RSU1: variants seen among roughly 807,000 people sequenced by gnomAD.
RSU1 encodes the protein Ras suppressor protein 1.
In RSU1, 26 loss-of-function variants were observed where a neutral mutation model predicts 31.1. The observed-to-expected ratio is 0.84, with a 90% CI of 0.61 to 1.16. RSU1 has a LOEUF of 1.16. RSU1 is among the 50% of genes most tolerant of loss of function. The pLI is 0.00. For synonymous variants in RSU1, 164 were observed against 136.3 expected (o/e 1.20, Z -1.41); for missense variants, 320 against 339.1 (o/e 0.94, Z 0.44).
chr10:16,766,269 C>T (rs1837313017), intron 3 of RSU1, among the ~76,000 whole-genome samples: 1 of 152,220 alleles, frequency 6.6e-6, no homozygotes, highest in Non-Finnish European at 1.5e-5. Flanking sequence ...GCTCAAAGTT[C>T]CTCCAGAACC....
At chr10:16,705,089 T>C (rs1262508501) in intron 7 of RSU1, among the ~76,000 whole-genome samples, 1 of 152,228 alleles carries the variant, frequency 6.6e-6, no homozygotes, top group Non-Finnish European at 1.5e-5. Context: ...ATTTTGACTG[T>C]TCTAAGTATC....
intron 8 of RSU1, among the ~76,000 whole-genome samples, chr10:16,663,878 G>A (rs930768188): frequency 6.6e-6 from 1 of 152,164 alleles, no homozygotes; most frequent in Non-Finnish European, 1.5e-5. Context: ...TTGGTGACAG[G>A]TGGGTCCCAG....
At chr10:16,613,282 A>G (rs1031223187) in intron 8 of RSU1, among the ~76,000 whole-genome samples, 1 of 152,186 alleles carries the variant, frequency 6.6e-6, no homozygotes, top group Non-Finnish European at 1.5e-5. Context: ...GAATTTCCAT[A>G]TGTCTCTGTG....
In RSU1 at chr10:16,756,648, T is replaced by C. The variant is rs140686110; in HGVS notation, c.282-1659A>G. On this transcript the variant is annotated intron_variant, in intron 4 of 8. Transcript: ENST00000345264. ...TACATGTAACATACAAAATATGTGT[T>C]CATCAACTATTTCTAGTTTTGGTAA... 2.7e-3 allele frequency among the ~76,000 whole-genome samples: 410 copies of C among 152,388 alleles called. 3 individuals are homozygous for C. Among genetic ancestry groups the C allele is most frequent in the African/African-American group, 9.0e-3 (374 of 41,590 alleles).
In RSU1 at chr10:16,719,937, A is replaced by G. The variant is rs139788432; in HGVS notation, c.599-24782T>C. Among the ~76,000 whole-genome samples, 903 of 152,362 alleles carry G rather than the reference A, an allele frequency of 5.9e-3. 18 individuals carry two copies. The highest frequency in any genetic ancestry group is 0.036 in the East Asian group (185 of 5,184). ...AGACTAGCCCACATGCTTTATGTAT[A>G]TAATCTCAGCCCTCAAAGGAACCTG... On this transcript the variant is annotated intron_variant, in intron 7 of 8. Coordinates refer to ENST00000345264, the MANE Select transcript of RSU1 (RefSeq NM_012425.4).
intron 7 of RSU1, among the ~76,000 whole-genome samples, chr10:16,731,465 A>G (rs1186424251): frequency 6.6e-6 from 1 of 151,868 alleles, no homozygotes; most frequent in Non-Finnish European, 1.5e-5. Context: ...CAAGAAACAT[A>G]TTTATACTAA....
Position 16,754,926 on chromosome 10 carries a change from G to C in RSU1, c.345C>G (p.Asp115Glu), listed in dbSNP as rs769028892. 2 of 1,613,520 alleles carry C rather than the reference G, an allele frequency of 1.2e-6. No individual in the cohort carries two copies. The highest frequency in any genetic ancestry group is 1.7e-6 in the Non-Finnish European group (2 of 1,179,794). Reference protein sequence around the residue: ...FGSLPALEVLDLTYNNLSENS... With the variant: ...FGSLPALEVLELTYNNLSENS... ...TTTCGCTCAAGTTGTTGTACGTCAA[G>C]TCCAGAACCTCAAGAGCTGGCAGGG... The change falls in exon 5 of 9, where the codon GAC becomes GAG. Residue 115 changes from aspartate (D) to glutamate (E), a missense_variant. Physicochemically the swap from Asp to Glu is conservative, Grantham distance 45. Coordinates refer to ENST00000345264, the MANE Select transcript of RSU1 (RefSeq NM_012425.4).
intron 8 of RSU1, among the ~76,000 whole-genome samples, chr10:16,690,351 G>A (rs17139032): frequency 0.022 from 3,293 of 152,130 alleles, 77 homozygotes; most frequent in African/African-American, 0.06. Context: ...CATGTTAACC[G>A]GCAACTCAGT....
At chr10:16,635,430 G>T (rs926306684) in intron 8 of RSU1, among the ~76,000 whole-genome samples, 3 of 152,048 alleles carry the variant, frequency 2.0e-5, no homozygotes, top group Admixed American at 2.0e-4. Context: ...ATTTCACTGA[G>T]AAAACCGAAA....
intron 7 of RSU1, among the ~76,000 whole-genome samples, chr10:16,744,277 T>C (rs1008028707): frequency 6.6e-6 from 1 of 152,206 alleles, no homozygotes; most frequent in Admixed American, 6.5e-5. Flanking sequence ...ATGTTAAACA[T>C]GAAATAAATT....
At chr10:16,718,708 T>C (rs1288593382) in intron 7 of RSU1, among the ~76,000 whole-genome samples, 2 of 152,144 alleles carry the variant, frequency 1.3e-5, no homozygotes, top group South Asian at 2.1e-4. Flanking sequence ...TGGCCCGGCA[T>C]GGTGGCTCAC....
intron 3 of RSU1, among the ~76,000 whole-genome samples, chr10:16,775,993 C>T (rs1288326574): frequency 1.3e-5 from 2 of 152,182 alleles, no homozygotes; most frequent in African/African-American, 2.4e-5. Flanking sequence ...ACATATTCCC[C>T]CCTCATGGTT....
At chr10:16,775,526 G>T (rs188625610) in intron 3 of RSU1, among the ~76,000 whole-genome samples, 1 of 152,116 alleles carries the variant, frequency 6.6e-6, no homozygotes, top group African/African-American at 2.4e-5. Context: ...ATGGGGGTGG[G>T]GGGTGGCCAC....
chr10:16,671,428 C>T (rs1237472021), intron 8 of RSU1, among the ~76,000 whole-genome samples: 1 of 152,106 alleles, frequency 6.6e-6, no homozygotes, highest in Non-Finnish European at 1.5e-5. Context: ...TTAGTCATTT[C>T]CTCAAAGGCC....
chr10:16,761,004 C>T (rs779489748), intron 4 of RSU1, among the ~76,000 whole-genome samples: 20 of 152,132 alleles, frequency 1.3e-4, no homozygotes, highest in Non-Finnish European at 2.1e-4. Context: ...TGCAGTGGTG[C>T]GATCTCAGTT....
chr10:16,732,388 G>C (rs372902446), intron 7 of RSU1, among the ~76,000 whole-genome samples: 1 of 152,270 alleles, frequency 6.6e-6, no homozygotes, highest in African/African-American at 2.4e-5. Flanking sequence ...AAGAGAATTA[G>C]GTCATGAGAG....
intron 8 of RSU1, among the ~76,000 whole-genome samples, chr10:16,622,400 C>G (rs373865609): frequency 2.0e-5 from 3 of 152,226 alleles, no homozygotes; most frequent in African/African-American, 7.2e-5. Flanking sequence ...ATTAGGGAAG[C>G]GTTCTAAAGA....
chr10:16,673,120 T>C (rs1835145935), intron 8 of RSU1, among the ~76,000 whole-genome samples: 1 of 152,156 alleles, frequency 6.6e-6, no homozygotes, highest in Admixed American at 6.5e-5. Flanking sequence ...TACATTTCCT[T>C]AGAGGGTATT....
chr10:16,706,637 A>G (rs776993434), intron 7 of RSU1, among the ~76,000 whole-genome samples: 5 of 152,178 alleles, frequency 3.3e-5, no homozygotes, highest in South Asian at 2.1e-4. Context: ...TGGGGGTACA[A>G]TTTGATGTTT....
Sources: allele counts gnomAD v4.1 joint callset (sites outside exome capture counted in the v4.1 genomes callset), GRCh38; gene constraint gnomAD v4.1.1; transcripts MANE v1.5; gene names NCBI Gene and HGNC (gene_info 2026-07-23, HGNC 2026-07-21).